Variants in UTY observed in about 807,000 individuals in gnomAD.
The protein encoded by UTY is ubiquitously transcribed tetratricopeptide repeat containing, Y-linked, also known as histone demethylase UTY.
UTY carries 12 observed loss-of-function variants against 32.5 expected under a neutral mutation model. That is an observed-to-expected ratio of 0.37 (90% CI 0.24 to 0.60). The LOEUF (loss-of-function observed/expected upper bound fraction) is 0.60, where lower values mean the gene tolerates loss of function less well. UTY is among the 20% of genes least tolerant of loss of function. The probability of loss-of-function intolerance (pLI) is 0.69; values close to 1 mark genes in which losing one functional copy is unlikely to be tolerated. For synonymous variants in UTY, 131 were observed against 103.4 expected (o/e 1.27, Z -1.62); for missense variants, 303 against 299.2 (o/e 1.01, Z -0.09).
chrY:13,272,302 C>T (rs956998925), intron 27 of UTY, among the ~76,000 whole-genome samples: 2 of 34,147 alleles, frequency 5.9e-5, no homozygotes, highest in Non-Finnish European at 1.5e-4. Context: ...AGACCATTCT[C>T]TACTATCAGG....
At chrY:13,310,185 C>T in intron 21 of UTY, among the ~76,000 whole-genome samples, 7 of 21,560 alleles carry the variant, frequency 3.2e-4, no homozygotes, top group African/African-American at 1.4e-3. Context: ...CGCTGCACTC[C>T]AGCTTGGGTG....
At chrY:13,457,859 A>G in intron 3 of UTY, among the ~76,000 whole-genome samples, 1 of 33,562 alleles carries the variant, frequency 3.0e-5, no homozygotes, top group Non-Finnish European at 7.4e-5. Flanking sequence ...TACTATTAAC[A>G]TCATCAAAAA....
At chrY:13,387,044 A>C in intron 8 of UTY, among the ~76,000 whole-genome samples, 2 of 33,641 alleles carry the variant, frequency 5.9e-5, no homozygotes, top group Non-Finnish European at 1.5e-4. Flanking sequence ...AAATGGCTTA[A>C]ATGAAGAATT....
At chrY:13,426,478 G>A (rs2073281059) in intron 4 of UTY, among the ~76,000 whole-genome samples, 1 of 33,305 alleles carries the variant, frequency 3.0e-5, no homozygotes. Flanking sequence ...AAGTAAAGAA[G>A]CTCAGCAGTA....
intron 17 of UTY, among the ~76,000 whole-genome samples, chrY:13,344,060 A>C: frequency 3.0e-5 from 1 of 33,434 alleles, no homozygotes; most frequent in Non-Finnish European, 7.4e-5. Context: ...GAGAAGCCAA[A>C]AGAGTTGCAA....
chrY:13,388,794 C>A (rs2067200067), intron 8 of UTY, among the ~76,000 whole-genome samples: 1 of 31,744 alleles, frequency 3.2e-5, no homozygotes, highest in Non-Finnish European at 7.6e-5. Flanking sequence ...TTCCTCCATG[C>A]TGTTCTTGTG....
chrY:13,418,787 T>C (rs2072141680), intron 4 of UTY, among the ~76,000 whole-genome samples: 1 of 34,017 alleles, frequency 2.9e-5, no homozygotes, highest in Non-Finnish European at 7.3e-5. Flanking sequence ...CTAATTCTTT[T>C]TGCAGCATGA....
At chrY:13,364,625 C>A in intron 10 of UTY, among the ~76,000 whole-genome samples, 3 of 33,424 alleles carry the variant, frequency 9.0e-5, no homozygotes, top group Non-Finnish European at 2.2e-4. Context: ...AACCACTATA[C>A]CTGGCCTCAA....
chrY:13,444,136 A>C, intron 4 of UTY, among the ~76,000 whole-genome samples: 1 of 33,389 alleles, frequency 3.0e-5, no homozygotes, highest in Non-Finnish European at 7.4e-5. Context: ...CAGAATAAAT[A>C]AAATAAGAAA....
intron 27 of UTY, among the ~76,000 whole-genome samples, chrY:13,297,133 C>T (rs949026004): frequency 3.0e-5 from 1 of 33,668 alleles, no homozygotes; most frequent in Non-Finnish European, 7.3e-5. Context: ...GCTCACAGTT[C>T]TGCAAGCTGT....
chrY:13,287,475 C>G, intron 27 of UTY: 1 of 181,559 alleles, frequency 5.5e-6, no homozygotes, highest in Non-Finnish European at 1.0e-5. Context: ...GAAAAAAGAG[C>G]CTCTCCCACT....
chrY:13,458,263 C>T, intron 3 of UTY, among the ~76,000 whole-genome samples: 1 of 32,913 alleles, frequency 3.0e-5, no homozygotes, highest in Non-Finnish European at 7.5e-5. Flanking sequence ...ATTTATAATC[C>T]TTTGGGTATA....
intron 27 of UTY, among the ~76,000 whole-genome samples, chrY:13,272,673 A>G (rs2056381522): frequency 1.8e-4 from 6 of 34,175 alleles, no homozygotes; most frequent in African/African-American, 4.6e-4. Flanking sequence ...ATGATAGTCA[A>G]AGGATATGTA....
chrY:13,332,599 A>G (rs2060768079), intron 18 of UTY, among the ~76,000 whole-genome samples: 1 of 33,728 alleles, frequency 3.0e-5, no homozygotes, highest in Admixed American at 2.7e-4. Context: ...ACATGTCTCA[A>G]TAAGAGCTAT....
intron 1 of UTY, 89 bp from the exon 2 acceptor site, chrY:13,479,406 T>C: frequency 5.2e-6 from 2 of 387,396 alleles, no homozygotes; most frequent in Non-Finnish European, 7.3e-6. Flanking sequence ...AGCGACAGAT[T>C]GGTGAGTGCC....
Position 13,254,351 on chromosome Y carries a change from G to A in UTY, c.4138-3164C>T. ...AAAAACAATGTAGAAAAAAATCAGC[G>A]AGTCAGGCTGCCAGACGGGAAAAAA... On this transcript the variant is annotated intron_variant, in intron 28 of 29. Coordinates refer to ENST00000545955, the MANE Select transcript of UTY (RefSeq NM_001258249.2). 2.4e-4 allele frequency among the ~76,000 whole-genome samples: 8 copies of A among 33,457 alleles called. No homozygotes were observed. The South Asian group carries it at 4.8e-3, about 20-fold the overall frequency. 89.8% of individuals were successfully genotyped at this position (33,457 alleles called of 37,273 possible). A position where few individuals can be genotyped will look rare whatever the true frequency, so the allele number is the denominator to read the frequency against.
chrY:13,446,886 C>T (rs901480284), intron 4 of UTY, among the ~76,000 whole-genome samples: 1 of 32,045 alleles, frequency 3.1e-5, no homozygotes, highest in Non-Finnish European at 7.6e-5. Context: ...CAAAGTTACA[C>T]TAATTAAAAT....
chrY:13,410,656 TTCTC>T (rs34733631), intron 6 of UTY, among the ~76,000 whole-genome samples: 4,924 of 32,746 alleles, frequency 0.15, no homozygotes, highest in African/African-American at 0.59. Context: ...AACTGGCCTG[TTCTC>T]TCTCTCTTTG....
intron 3 of UTY, among the ~76,000 whole-genome samples, chrY:13,461,972 C>T (rs2077408760): frequency 3.0e-5 from 1 of 33,441 alleles, no homozygotes; most frequent in East Asian, 7.7e-4. Flanking sequence ...TAAGGGGTTA[C>T]AAATGTTTTA....
Sources: allele counts gnomAD v4.1 joint callset (sites outside exome capture counted in the v4.1 genomes callset), GRCh38; gene constraint gnomAD v4.1.1; transcripts MANE v1.5; gene names NCBI Gene and HGNC (gene_info 2026-07-23, HGNC 2026-07-21).